KLF13: variants seen among roughly 807,000 people sequenced by gnomAD.
KLF13 encodes KLF transcription factor 13.
Under a neutral mutation model 16.7 loss-of-function variants are expected in KLF13, and 8 were observed. The observed-to-expected ratio is 0.48, with a 90% CI of 0.28 to 0.87. The LOEUF (loss-of-function observed/expected upper bound fraction) is 0.87. Among genes scored for constraint, KLF13 ranks in the 40% least tolerant of loss-of-function variants. KLF13 has a pLI of 0.10. For synonymous variants in KLF13, 245 were observed against 208.4 expected, an observed-to-expected ratio of 1.18 and a Z score of -1.51; for missense variants, 447 against 452.2, an observed-to-expected ratio of 0.99 and a Z score of 0.10.
chr15:31,382,819 A>C (rs895962330), downstream of KLF13, among the ~76,000 whole-genome samples: 1 of 152,102 alleles, frequency 6.6e-6, no homozygotes, highest in Non-Finnish European at 1.5e-5. Flanking sequence ...TACCGCGTCC[A>C]CTCACTCAGA....
chr15:31,369,725 T>C (rs1595478400), intron 1 of KLF13, among the ~76,000 whole-genome samples: 1 of 152,224 alleles, frequency 6.6e-6, no homozygotes, highest in African/African-American at 2.4e-5. Context: ...GCAATGGCCC[T>C]TTACTATTCA....
intron 1 of KLF13, among the ~76,000 whole-genome samples, chr15:31,364,850 A>G (rs1280666091): frequency 6.6e-6 from 1 of 152,174 alleles, no homozygotes; most frequent in Admixed American, 6.5e-5. Flanking sequence ...TTAATAAACC[A>G]CTAACATTTC....
intron 2 of KLF13, among the ~76,000 whole-genome samples, chr15:31,400,144 C>T (rs1014190690): frequency 6.6e-6 from 1 of 152,236 alleles, no homozygotes; most frequent in Non-Finnish European, 1.5e-5. Flanking sequence ...CCTGTTCCAC[C>T]CCCACTCTGC....
chr15:31,405,003 TA>T (rs1198366581), downstream of KLF13, among the ~76,000 whole-genome samples: 1 of 152,188 alleles, frequency 6.6e-6, no homozygotes, highest in Non-Finnish European at 1.5e-5. Flanking sequence ...TGTAGTAGGA[TA>T]AAACCAATGA....
At chr15:31,333,945 C>T (rs1007290131) in intron 1 of KLF13, among the ~76,000 whole-genome samples, 10 of 142,674 alleles carry the variant, frequency 7.0e-5, no homozygotes, top group East Asian at 5.9e-4. Flanking sequence ...GCACTTCCAT[C>T]GCCTCATGGG....
intron 1 of KLF13, among the ~76,000 whole-genome samples, chr15:31,363,057 G>T (rs1380929385): frequency 2.6e-5 from 4 of 152,242 alleles, no homozygotes; most frequent in Non-Finnish European, 5.9e-5. Flanking sequence ...AAGTTCAGAT[G>T]TGGGTAAAAG....
chr15:31,389,345 G>A (rs1033587495), upstream of KLF13, among the ~76,000 whole-genome samples: 25 of 152,180 alleles, frequency 1.6e-4, no homozygotes, highest in African/African-American at 4.8e-4. Context: ...GCTTCTTCTC[G>A]TCAACAGGCT....
intron 1 of KLF13, among the ~76,000 whole-genome samples, chr15:31,412,619 G>C (rs1172553954): frequency 6.6e-6 from 1 of 152,184 alleles, no homozygotes; most frequent in African/African-American, 2.4e-5. Flanking sequence ...AAAAAGCAAA[G>C]AGGAGGAGGA....
intron 1 of KLF13, among the ~76,000 whole-genome samples, chr15:31,429,333 C>A (rs1255052264): frequency 6.6e-6 from 1 of 152,088 alleles, no homozygotes; most frequent in Non-Finnish European, 1.5e-5. Flanking sequence ...AAGCCAGATA[C>A]AAAAGGGCAA....
chr15:31,361,572 C>T (rs1020888746), intron 1 of KLF13, among the ~76,000 whole-genome samples: 4 of 151,690 alleles, frequency 2.6e-5, no homozygotes, highest in Non-Finnish European at 5.9e-5. Flanking sequence ...AAGGAGAGGG[C>T]AGGGGGAGGA....
chr15:31,396,479 G>A (rs558249038), intron 2 of KLF13, among the ~76,000 whole-genome samples: 6 of 152,286 alleles, frequency 3.9e-5, no homozygotes, highest in African/African-American at 1.4e-4. Context: ...GGATAATTTG[G>A]TGGTTGGGGG....
intron 1 of KLF13, among the ~76,000 whole-genome samples, chr15:31,369,419 C>G (rs1430206576): frequency 6.6e-6 from 1 of 152,236 alleles, no homozygotes; most frequent in East Asian, 1.9e-4. Context: ...AGGAAAAACC[C>G]CTAGAACCGA....
At chr15:31,390,200 G>A (rs144833585), upstream of KLF13, among the ~76,000 whole-genome samples, 1,807 of 152,254 alleles carry the variant, frequency 0.012, 25 homozygotes, top group Non-Finnish European at 0.02. Context: ...CTGAGTGGGA[G>A]CACAGCCCCG....
intron 1 of KLF13, among the ~76,000 whole-genome samples, chr15:31,362,890 C>T (rs1393747878): frequency 6.6e-6 from 1 of 152,208 alleles, no homozygotes; most frequent in African/African-American, 2.4e-5. Context: ...CATTCTACTT[C>T]TTTGCGATAG....
At chr15:31,349,181 A>G (rs908860589) in intron 1 of KLF13, among the ~76,000 whole-genome samples, 1 of 152,200 alleles carries the variant, frequency 6.6e-6, no homozygotes, top group Non-Finnish European at 1.5e-5. Context: ...CCCCCAACTC[A>G]TGGCAGCTTT....
At chr15:31,395,327 A>AT (rs2039940242) in intron 2 of KLF13, among the ~76,000 whole-genome samples, 2 of 152,056 alleles carry the variant, frequency 1.3e-5, no homozygotes, top group South Asian at 4.2e-4. Context: ...TGGATATACT[A>AT]TTTTTTTAAA....
rs187448263 is a variant in KLF13 at position 31,400,484 on chromosome 15, G to T, written n.530-2944G>T. ...TGAGTCAGCCAGCCTTACGAAGTGTGCCACAGGCAGGGAGAACTCAAATCC... is the reference window on the plus strand; with the variant it reads ...TGAGTCAGCCAGCCTTACGAAGTGTTCCACAGGCAGGGAGAACTCAAATCC... On this transcript the variant is annotated intron_variant and non_coding_transcript_variant, in intron 2 of 2. Transcript: ENST00000500533. Among the ~76,000 whole-genome samples, 51 of 152,286 alleles carry T rather than the reference G, an allele frequency of 3.3e-4. No homozygotes were observed. In the East Asian group the frequency reaches 9.5e-3, roughly 28 times the overall value.
chr15:31,429,209 T>TTGTTA (rs1555383860), intron 1 of KLF13, among the ~76,000 whole-genome samples: 19,913 of 152,074 alleles, frequency 0.13, 3,847 homozygotes, highest in African/African-American at 0.42. Flanking sequence ...AGTGCAGCGT[T>TTGTTA]TTCAGGTGGA....
chr15:31,337,378 C>A (rs912371895), intron 1 of KLF13, among the ~76,000 whole-genome samples: 2 of 152,224 alleles, frequency 1.3e-5, no homozygotes, highest in African/African-American at 4.8e-5. Context: ...GGGCTCTGGC[C>A]CCTTGCAGCT....
Sources: gnomAD v4.1 joint callset for allele counts (sites outside exome capture counted in the v4.1 genomes callset) on GRCh38, gnomAD v4.1.1 for gene constraint, MANE v1.5 for transcripts, NCBI Gene and HGNC (gene_info 2026-07-23, HGNC 2026-07-21) for gene names.